The following ARHGAP8 variants were observed in gnomAD, a reference collection of about 807,000 sequenced individuals.
The protein encoded by ARHGAP8 is Rho GTPase activating protein 8, also known as rho GTPase-activating protein 8.
In ARHGAP8, 62 loss-of-function variants were observed where a neutral mutation model predicts 46.1. That is an observed-to-expected ratio of 1.34 (90% CI 1.10 to 1.66). ARHGAP8 has a LOEUF of 1.66. Among genes scored for constraint, ARHGAP8 ranks in the 40% most tolerant of loss-of-function variants. ARHGAP8 has a pLI of 0.00. For missense variants in ARHGAP8, 923 were observed against 568.4 expected, an observed-to-expected ratio of 1.62 and a Z score of -6.34; for synonymous variants, 375 against 243.1, an observed-to-expected ratio of 1.54 and a Z score of -5.05.
chr22:44,771,185 G>T (rs1012865277), intron 1 of ARHGAP8, among the ~76,000 whole-genome samples: 1 of 150,706 alleles, frequency 6.6e-6, no homozygotes, highest in African/African-American at 2.4e-5. Context: ...GGTTCTGGTA[G>T]TTCCTTTGTA....
chr22:44,770,992 G>C (rs574358541), intron 1 of ARHGAP8, among the ~76,000 whole-genome samples: 80 of 152,244 alleles, frequency 5.3e-4, no homozygotes, highest in African/African-American at 1.8e-3. Flanking sequence ...AGATGGAGTT[G>C]GTCAGATCAA....
At chr22:44,784,119 C>T (rs1302340353) in intron 1 of ARHGAP8, among the ~76,000 whole-genome samples, 1 of 152,020 alleles carries the variant, frequency 6.6e-6, no homozygotes, top group African/African-American at 2.4e-5. Flanking sequence ...AAAAAAAGTA[C>T]ACTGCCAGCC....
At position 44,794,148 on chromosome 22, in the gene ARHGAP8, C is replaced by T. The variant is rs557779216; in HGVS notation, c.79+7542C>T. Among the ~76,000 whole-genome samples, 3 of 152,334 alleles carry T rather than the reference C, an allele frequency of 2.0e-5. No individual in the cohort carries two copies. The South Asian group carries it at 6.2e-4, about 32-fold the overall frequency. On this transcript the variant is annotated intron_variant, in intron 2 of 11. Transcript: ENST00000356099. The stretch of plus-strand genomic sequence containing the variant: ...CTCACCTGTAAATGAGAAGATGGGA[C>T]ACAGCACTTCTGGAAGCACCCAGCA...
intron 10 of ARHGAP8, among the ~76,000 whole-genome samples, chr22:44,851,188 C>A (rs1167764310): frequency 1.3e-5 from 2 of 152,058 alleles, no homozygotes; most frequent in African/African-American, 4.8e-5. Context: ...TGTCCACTTC[C>A]GGATAGGCAC....
intron 1 of ARHGAP8, among the ~76,000 whole-genome samples, chr22:44,779,142 C>G (rs537748999): frequency 2.6e-5 from 4 of 150,962 alleles, no homozygotes; most frequent in Admixed American, 2.6e-4. Context: ...CTCTGTCACC[C>G]AGGCTGGAGT....
At chr22:44,838,140 ATT>A (rs61131873) in intron 7 of ARHGAP8, among the ~76,000 whole-genome samples, 2 of 143,490 alleles carry the variant, frequency 1.4e-5, no homozygotes, top group Non-Finnish European at 3.0e-5. Context: ...TGCCTGGCTA[ATT>A]TTTTTTTTTT....
At chr22:44,771,213 A>G (rs1299963505) in intron 1 of ARHGAP8, among the ~76,000 whole-genome samples, 1 of 139,438 alleles carries the variant, frequency 7.2e-6, no homozygotes, top group Non-Finnish European at 1.6e-5. Context: ...TAGGATTTTT[A>G]CTTAGATGAT....
chr22:44,767,426 A>G (rs1165526435), intron 1 of ARHGAP8, among the ~76,000 whole-genome samples: 1 of 152,114 alleles, frequency 6.6e-6, no homozygotes, highest in Non-Finnish European at 1.5e-5. Context: ...CCCCTCCTGA[A>G]CAGAAAGATA....
intron 1 of ARHGAP8, among the ~76,000 whole-genome samples, chr22:44,781,260 C>T (rs148727813): frequency 1.9e-3 from 284 of 152,222 alleles, no homozygotes; most frequent in African/African-American, 6.6e-3. Context: ...GGTTTGCTTC[C>T]AAGAACTCAT....
intron 3 of ARHGAP8, among the ~76,000 whole-genome samples, chr22:44,803,016 C>T (rs1280410486): frequency 6.6e-6 from 1 of 152,166 alleles, no homozygotes; most frequent in Non-Finnish European, 1.5e-5. Context: ...GCTGCCGCCA[C>T]CACTGGCTCA....
chr22:44,832,620 C>T (rs1931023527), intron 7 of ARHGAP8, among the ~76,000 whole-genome samples: 1 of 152,166 alleles, frequency 6.6e-6, no homozygotes, highest in African/African-American at 2.4e-5. Flanking sequence ...TGCAACCCTA[C>T]TGAACTTGTT....
intron 1 of ARHGAP8, among the ~76,000 whole-genome samples, chr22:44,774,597 A>G (rs548075470): frequency 1.3e-5 from 2 of 149,154 alleles, no homozygotes; most frequent in Admixed American, 1.4e-4. Context: ...GTCTTGGCTA[A>G]TTGCAACCTC....
chr22:44,837,140 C>T (rs1286386770), intron 7 of ARHGAP8, among the ~76,000 whole-genome samples: 2 of 152,194 alleles, frequency 1.3e-5, no homozygotes, highest in Admixed American at 6.5e-5. Context: ...CCACCTTGGC[C>T]TCCCAAAGTG....
intron 5 of ARHGAP8, among the ~76,000 whole-genome samples, chr22:44,821,160 G>A (rs973411295): frequency 5.3e-5 from 8 of 152,248 alleles, no homozygotes; most frequent in Admixed American, 2.0e-4. Context: ...GGCCAGGCAC[G>A]GTGGCTCATG....
rs56982617 is a variant in ARHGAP8, at chr22:44,832,968, AACAC to A, written c.596+7395_596+7398del. On this transcript the variant is annotated intron_variant, in intron 7 of 11. Coordinates refer to ENST00000356099, the MANE Select transcript of ARHGAP8 (RefSeq NM_181335.3). ...ATAGCAAGACCCTGTGTCTATTAAA[AACAC>A]ACACACACACACACACACAAAAGAA... 1.1e-4 allele frequency among the ~76,000 whole-genome samples: 16 copies of A among 149,648 alleles called. No individual in the cohort carries two copies. In the East Asian group the frequency reaches 1.4e-3, roughly 13 times the overall value.
intron 1 of ARHGAP8, among the ~76,000 whole-genome samples, chr22:44,756,014 T>A (rs943955192): frequency 1.4e-4 from 21 of 152,240 alleles, no homozygotes; most frequent in Non-Finnish European, 2.6e-4. Context: ...GTCTTGGTTC[T>A]GTCTCCTGAC....
At chr22:44,767,537 C>T (rs1018774952) in intron 1 of ARHGAP8, among the ~76,000 whole-genome samples, 3 of 152,042 alleles carry the variant, frequency 2.0e-5, no homozygotes, top group Non-Finnish European at 4.4e-5. Flanking sequence ...CGCAGTTGTC[C>T]CCAGAATGGT....
At chr22:44,862,104 T>G (rs952131278) in intron 11 of ARHGAP8, among the ~76,000 whole-genome samples, 171 bp from the exon 12 acceptor site, 3 of 151,940 alleles carry the variant, frequency 2.0e-5, no homozygotes, top group African/African-American at 7.3e-5. Flanking sequence ...ATAGGGTAAC[T>G]AAGGCCCTGA....
At chr22:44,775,898 A>C (rs2147024198) in intron 1 of ARHGAP8, among the ~76,000 whole-genome samples, 1 of 152,270 alleles carries the variant, frequency 6.6e-6, no homozygotes, top group South Asian at 2.1e-4. Context: ...TCCTTCAGTC[A>C]CCTAGATTGG....
Sources: allele counts gnomAD v4.1 joint callset (sites outside exome capture counted in the v4.1 genomes callset), GRCh38; gene constraint gnomAD v4.1.1; transcripts MANE v1.5; gene names NCBI Gene and HGNC (gene_info 2026-07-23, HGNC 2026-07-21).